Variants in FAM13A observed in about 807,000 individuals in gnomAD.
FAM13A encodes family with sequence similarity 13 member A.
FAM13A carries 76 observed loss-of-function variants against 129.6 expected under a neutral mutation model. The observed-to-expected ratio is 0.59, with a 90% confidence interval of 0.49 to 0.71. The LOEUF (loss-of-function observed/expected upper bound fraction) is 0.71, where lower values mean the gene tolerates loss of function less well. FAM13A is among the 30% of genes least tolerant of loss of function. FAM13A has a pLI of 0.00. For missense variants in FAM13A, 1,108 were observed against 1,249.3 expected (o/e 0.89, Z 1.70); for synonymous variants, 443 against 449.9 (o/e 0.98, Z 0.20).
At position 88,728,524 on chromosome 4, in the gene FAM13A, C is replaced by T. The variant is rs1472264161; in HGVS notation, c.*9G>A. On this transcript the variant is annotated 3_prime_UTR_variant, in exon 24 of 24. Transcript: ENST00000264344. ...GCAGCTGCCAGCCCCCTGTGCTTGG[C>T]CATGCCCCTCACATGGACTTGGAAT... The T allele has an allele frequency of 1.2e-6, 2 of 1,613,990 alleles. No homozygotes were observed. The highest frequency in any genetic ancestry group is 1.1e-5 in the South Asian group (1 of 91,074).
At chr4:88,996,435 G>A (rs1258303678) in intron 3 of FAM13A, among the ~76,000 whole-genome samples, 12 of 152,196 alleles carry the variant, frequency 7.9e-5, no homozygotes, top group African/African-American at 2.9e-4. Context: ...CGTGGGGGCG[G>A]ATTCAGAATG....
chr4:88,941,057 A>AC (rs1221512759), intron 4 of FAM13A, among the ~76,000 whole-genome samples: 1 of 152,206 alleles, frequency 6.6e-6, no homozygotes, highest in Non-Finnish European at 1.5e-5. Flanking sequence ...ATCATGACTT[A>AC]GAGGGCAGAA....
intron 6 of FAM13A, among the ~76,000 whole-genome samples, chr4:88,878,056 G>A (rs1349724135): frequency 1.3e-5 from 2 of 152,036 alleles, no homozygotes; most frequent in Non-Finnish European, 2.9e-5. Flanking sequence ...TGGAAGGGCC[G>A]AGGCGGGCGG....
At chr4:88,817,399 C>T (rs1451064978) in intron 7 of FAM13A, among the ~76,000 whole-genome samples, 2 of 151,794 alleles carry the variant, frequency 1.3e-5, no homozygotes, top group Non-Finnish European at 2.9e-5. Flanking sequence ...CTCGTCTCTA[C>T]GAAAAATACA....
chr4:88,867,423 C>T (rs1202605226), intron 6 of FAM13A, among the ~76,000 whole-genome samples: 6 of 152,220 alleles, frequency 3.9e-5, no homozygotes, highest in African/African-American at 7.2e-5. Context: ...AAATAGAACA[C>T]GAAAAGGACA....
intron 21 of FAM13A, among the ~76,000 whole-genome samples, chr4:88,734,815 C>T (rs1052816887): frequency 6.6e-6 from 1 of 152,226 alleles, no homozygotes; most frequent in Non-Finnish European, 1.5e-5. Context: ...GAGGCTGAGA[C>T]ACCCTATCCT....
intron 5 of FAM13A, among the ~76,000 whole-genome samples, chr4:88,914,402 T>C (rs1749741467): frequency 6.6e-6 from 1 of 152,236 alleles, no homozygotes; most frequent in African/African-American, 2.4e-5. Flanking sequence ...CCTATGTCTC[T>C]AATCTCATAG....
At chr4:89,035,486 AGGAGG>A (rs538208309) in intron 1 of FAM13A, among the ~76,000 whole-genome samples, 3 of 146,786 alleles carry the variant, frequency 2.0e-5, no homozygotes, top group Admixed American at 6.8e-5. Flanking sequence ...AAAGGAAGGA[AGGAGG>A]GGAGGGGAGG....
chr4:88,984,651 C>G (rs1434694929), intron 4 of FAM13A, among the ~76,000 whole-genome samples: 2 of 152,270 alleles, frequency 1.3e-5, no homozygotes, highest in East Asian at 3.9e-4. Flanking sequence ...GAAACTGGTT[C>G]GCCCATACAT....
At chr4:88,937,064 C>T (rs1579368837) in intron 5 of FAM13A, 1 of 152,058 alleles carries the variant, frequency 6.6e-6, no homozygotes, top group Non-Finnish European at 1.5e-5. Context: ...TTTTTTTCAG[C>T]TACCGTGTTA....
chr4:88,778,795 G>A (rs1289126335), intron 11 of FAM13A, among the ~76,000 whole-genome samples: 2 of 152,174 alleles, frequency 1.3e-5, no homozygotes, highest in African/African-American at 2.4e-5. Context: ...AACATGCCCT[G>A]CTTTCCATTC....
intron 5 of FAM13A, among the ~76,000 whole-genome samples, chr4:88,925,103 G>C (rs1255200166): frequency 6.6e-6 from 1 of 151,086 alleles, no homozygotes; most frequent in Non-Finnish European, 1.5e-5. Context: ...TTACACTGTT[G>C]GTGGGACTGT....
At chr4:88,758,975 C>A in intron 13 of FAM13A, 74 bp from the exon 14 acceptor site, 2 of 1,491,182 alleles carry the variant, frequency 1.3e-6, no homozygotes, top group African/African-American at 1.4e-5. Context: ...CAATTCCACT[C>A]CTTCAGGATA....
At chr4:88,889,013 C>T (rs922069976) in intron 6 of FAM13A, among the ~76,000 whole-genome samples, 4 of 151,400 alleles carry the variant, frequency 2.6e-5, no homozygotes, top group African/African-American at 9.7e-5. Context: ...GTTGAAGGAA[C>T]ACACTCCCTA....
chr4:88,987,838 C>CAAAAA (rs1158179811), intron 4 of FAM13A, among the ~76,000 whole-genome samples: 8,386 of 70,886 alleles, frequency 0.12, 837 homozygotes, highest in Middle Eastern at 0.18. Context: ...AGACTCCTCT[C>CAAAAA]AAAAAAAAAA....
chr4:88,781,970 C>T (rs950863318), intron 10 of FAM13A, among the ~76,000 whole-genome samples: 4 of 147,838 alleles, frequency 2.7e-5, no homozygotes, highest in Non-Finnish European at 6.0e-5. Context: ...TGCACATGTA[C>T]CCTAAAACTT....
intron 8 of FAM13A, among the ~76,000 whole-genome samples, 179 bp downstream of exon 8, chr4:88,804,832 T>A (rs1223080547): frequency 2.7e-5 from 4 of 150,762 alleles, no homozygotes; most frequent in Admixed American, 6.6e-5. Context: ...ATCAGACATT[T>A]AAAAAAAAAA....
chr4:88,802,848 G>A (rs1727769103), intron 8 of FAM13A, among the ~76,000 whole-genome samples: 1 of 152,078 alleles, frequency 6.6e-6, no homozygotes, highest in Non-Finnish European at 1.5e-5. Flanking sequence ...GGATTCCCAT[G>A]TGATCTCCTA....
intron 1 of FAM13A, among the ~76,000 whole-genome samples, chr4:89,051,699 C>T (rs1351330487): frequency 1.3e-5 from 2 of 152,056 alleles, no homozygotes; most frequent in African/African-American, 4.8e-5. Flanking sequence ...AAACCAGTTA[C>T]GTGCTTCCAA....
Sources: allele counts gnomAD v4.1 joint callset (sites outside exome capture counted in the v4.1 genomes callset), GRCh38; gene constraint gnomAD v4.1.1; transcripts MANE v1.5; gene names NCBI Gene and HGNC (gene_info 2026-07-23, HGNC 2026-07-21).